The following CBLB variants were observed in gnomAD, a reference collection of about 807,000 sequenced individuals.
The protein encoded by CBLB is Cbl proto-oncogene B.
CBLB carries 31 observed loss-of-function variants against 104.9 expected under a neutral mutation model. The observed-to-expected ratio is 0.30, with a 90% CI of 0.22 to 0.40. CBLB has a LOEUF of 0.40. Ranked by LOEUF, CBLB falls within the 10% of genes least tolerant of loss-of-function variation. CBLB has a pLI of 1.00. For missense variants in CBLB, 1,062 were observed against 1,214.6 expected, an observed-to-expected ratio of 0.87 and a Z score of 1.87; for synonymous variants, 440 against 422.6, an observed-to-expected ratio of 1.04 and a Z score of -0.51.
intron 3 of CBLB, among the ~76,000 whole-genome samples, chr3:105,785,105 T>C (rs758641159): frequency 6.6e-6 from 1 of 152,218 alleles, no homozygotes; most frequent in African/African-American, 2.4e-5. Context: ...AGATATTGTG[T>C]TTCAGCTCTA....
chr3:105,675,566 G>A (rs1268081154), intron 17 of CBLB, among the ~76,000 whole-genome samples: 2 of 151,952 alleles, frequency 1.3e-5, no homozygotes, highest in Non-Finnish European at 2.9e-5. Flanking sequence ...TTTTAAATTT[G>A]AATCAAAATA....
chr3:105,800,799 C>T (rs2082767825), intron 3 of CBLB, among the ~76,000 whole-genome samples: 1 of 152,026 alleles, frequency 6.6e-6, no homozygotes, highest in African/African-American at 2.4e-5. Context: ...TAAATTACCA[C>T]AGGAAGAAAG....
intron 3 of CBLB, among the ~76,000 whole-genome samples, chr3:105,802,899 A>G (rs1054805330): frequency 6.6e-6 from 1 of 152,244 alleles, no homozygotes; most frequent in Admixed American, 6.5e-5. Flanking sequence ...ACATATATGT[A>G]TATATTTTGA....
intron 3 of CBLB, among the ~76,000 whole-genome samples, chr3:105,809,135 A>T (rs868516758): frequency 3.3e-5 from 5 of 152,244 alleles, no homozygotes; most frequent in Admixed American, 6.5e-5. Flanking sequence ...AAACAGATAG[A>T]AGCAGACAAA....
chr3:105,810,192 G>C (rs1176500287), intron 3 of CBLB, among the ~76,000 whole-genome samples: 1 of 152,022 alleles, frequency 6.6e-6, no homozygotes, highest in Non-Finnish European at 1.5e-5. Context: ...TGGAAATAGT[G>C]CCAATTCAAA....
chr3:105,789,130 A>G (rs1282185298), intron 3 of CBLB, among the ~76,000 whole-genome samples: 1 of 152,228 alleles, frequency 6.6e-6, no homozygotes, highest in African/African-American at 2.4e-5. Context: ...TTTGCTATAC[A>G]GCAATAAATA....
At chr3:105,768,694 A>C (rs1577030046) in intron 4 of CBLB, among the ~76,000 whole-genome samples, 1 of 152,242 alleles carries the variant, frequency 6.6e-6, no homozygotes. Context: ...ATCAAGCAAG[A>C]AAGACCTACA....
rs748003877 is a variant in CBLB, at chr3:105,776,379, A to C, written c.566+17T>G. ...TTGAAAGATAGATCCACAGCTATAAAAATGATTTTTACTTACTTGTCTCCA... is the reference window on the plus strand; with the variant it reads ...TTGAAAGATAGATCCACAGCTATAACAATGATTTTTACTTACTTGTCTCCA... On this transcript the variant is annotated intron_variant, in intron 4 of 18. Coordinates refer to ENST00000394030, the MANE Select transcript of CBLB (RefSeq NM_170662.5). 4 of 1,611,218 alleles carry C rather than the reference A, an allele frequency of 2.5e-6. No individual in the cohort carries two copies. The highest frequency in any genetic ancestry group is 3.4e-6 in the Non-Finnish European group (4 of 1,178,108).
intron 12 of CBLB, among the ~76,000 whole-genome samples, chr3:105,697,679 T>A (rs1244302588): frequency 6.6e-6 from 1 of 151,950 alleles, no homozygotes; most frequent in Non-Finnish European, 1.5e-5. Flanking sequence ...AAGCCACAAC[T>A]GCAAAAAGGG....
At chr3:105,704,296 C>T in intron 10 of CBLB, 123 bp from the exon 11 acceptor site, 1 of 873,864 alleles carries the variant, frequency 1.1e-6, no homozygotes, top group Non-Finnish European at 1.9e-6. Flanking sequence ...AATGAATTCC[C>T]TTAGTTTACC....
At chr3:105,791,499 T>C (rs920524849) in intron 3 of CBLB, among the ~76,000 whole-genome samples, 14 of 152,194 alleles carry the variant, frequency 9.2e-5, no homozygotes, top group African/African-American at 3.4e-4. Context: ...ACACATATTA[T>C]CAATAACCAA....
At chr3:105,772,860 G>C (rs1051195833) in intron 4 of CBLB, among the ~76,000 whole-genome samples, 7 of 152,136 alleles carry the variant, frequency 4.6e-5, no homozygotes, top group African/African-American at 1.7e-4. Context: ...AAAAACAATA[G>C]ATGTTGTTAA....
chr3:105,779,376 T>C (rs1339561919), intron 3 of CBLB, among the ~76,000 whole-genome samples: 1 of 152,214 alleles, frequency 6.6e-6, no homozygotes, highest in East Asian at 1.9e-4. Context: ...TTCTTGCTTC[T>C]GCAAATGGAT....
rs531277148 is a variant in CBLB at position 105,668,570 on chromosome 3, T to G, written c.2689+1663A>C. Among the ~76,000 whole-genome samples the G allele has an allele frequency of 1.9e-4, 29 of 152,326 alleles. No individual in the cohort carries two copies. The South Asian group carries it at 5.4e-3, about 28-fold the overall frequency. On this transcript the variant is annotated intron_variant, in intron 18 of 18. Transcript: ENST00000394030. ...ATATAGAAGCTGTCAGATATTGTCT[T>G]TCTTTCTTGACTTTCATGTTTTGTC... is the stretch of plus-strand genomic sequence containing the variant.
At chr3:105,790,893 C>T (rs2081555126) in intron 3 of CBLB, among the ~76,000 whole-genome samples, 1 of 152,202 alleles carries the variant, frequency 6.6e-6, no homozygotes, top group African/African-American at 2.4e-5. Flanking sequence ...GCCTCCCCAT[C>T]CAGGCTGCCC....
intron 10 of CBLB, among the ~76,000 whole-genome samples, chr3:105,710,165 G>C (rs1383766249): frequency 6.6e-6 from 1 of 151,832 alleles, no homozygotes; most frequent in African/African-American, 2.4e-5. Context: ...TTTTTCTGCA[G>C]TTAAATTTTT....
chr3:105,813,933 T>C (rs2084662711), intron 3 of CBLB, among the ~76,000 whole-genome samples: 1 of 152,174 alleles, frequency 6.6e-6, no homozygotes, highest in Non-Finnish European at 1.5e-5. Flanking sequence ...TATATACTGC[T>C]TACAAAGCCT....
At position 105,778,375 on chromosome 3, in the gene CBLB, A is replaced by G. The variant is rs1183528150; in HGVS notation, c.420-1833T>C. 2.0e-5 allele frequency among the ~76,000 whole-genome samples: 3 copies of G among 152,156 alleles called. No individual in the cohort carries two copies. The East Asian group carries it at 5.8e-4, about 29-fold the overall frequency. Reference sequence around the variant, plus strand: ...TGTTTTTTACCAAGGAGATCATTTAATATGCACCTGACAATAAAATCATTG... The same window carrying G: ...TGTTTTTTACCAAGGAGATCATTTAGTATGCACCTGACAATAAAATCATTG... On this transcript the variant is annotated intron_variant, in intron 3 of 18. Transcript: ENST00000394030.
chr3:105,666,604 T>C (rs901620019), intron 18 of CBLB, among the ~76,000 whole-genome samples: 1 of 152,038 alleles, frequency 6.6e-6, no homozygotes, highest in Non-Finnish European at 1.5e-5. Context: ...GAGAACTACT[T>C]GAACCTGGGA....
Sources: allele counts gnomAD v4.1 joint callset (sites outside exome capture counted in the v4.1 genomes callset), GRCh38; gene constraint gnomAD v4.1.1; transcripts MANE v1.5; gene names NCBI Gene and HGNC (gene_info 2026-07-23, HGNC 2026-07-21).